Variants in PTPRD observed in about 807,000 individuals in gnomAD.
PTPRD encodes the protein protein tyrosine phosphatase receptor type D.
PTPRD carries 34 observed loss-of-function variants against 214.5 expected under a neutral mutation model. The observed-to-expected ratio is 0.16, with a 90% confidence interval of 0.12 to 0.21. The LOEUF (loss-of-function observed/expected upper bound fraction) is 0.21, where lower values mean the gene tolerates loss of function less well. Ranked by LOEUF, PTPRD falls within the 10% of genes least tolerant of loss-of-function variation. The probability of loss-of-function intolerance (pLI) is 1.00; values close to 1 mark genes in which losing one functional copy is unlikely to be tolerated. For synonymous variants in PTPRD, 1,128 were observed against 845.7 expected (o/e 1.33, Z -5.79); for missense variants, 2,545 against 2,398.7 (o/e 1.06, Z -1.27).
chr9:10,120,497 T>A (rs1290013362), intron 3 of PTPRD, among the ~76,000 whole-genome samples: 1 of 151,992 alleles, frequency 6.6e-6, no homozygotes, highest in Non-Finnish European at 1.5e-5. Context: ...TTCATTGTAA[T>A]TATTACACCA....
chr9:8,845,733 C>T (rs1329945808), intron 11 of PTPRD, among the ~76,000 whole-genome samples: 1 of 152,160 alleles, frequency 6.6e-6, no homozygotes, highest in African/African-American at 2.4e-5. Flanking sequence ...TCACTTTCCC[C>T]CAAAAAAAGT....
intron 2 of PTPRD, among the ~76,000 whole-genome samples, chr9:10,489,228 C>A (rs551226386): frequency 6.6e-6 from 1 of 152,078 alleles, no homozygotes; most frequent in Non-Finnish European, 1.5e-5. Context: ...ATCCTTCTGC[C>A]CCTGGGTGTG....
At chr9:9,968,404 T>C (rs934632812) in intron 4 of PTPRD, among the ~76,000 whole-genome samples, 1 of 152,220 alleles carries the variant, frequency 6.6e-6, no homozygotes, top group South Asian at 2.1e-4. Flanking sequence ...AACAGCAAGA[T>C]ATTAAAACAT....
intron 8 of PTPRD, among the ~76,000 whole-genome samples, chr9:9,488,113 G>T (rs1377347579): frequency 6.6e-6 from 1 of 152,122 alleles, no homozygotes; most frequent in African/African-American, 2.4e-5. Flanking sequence ...GAGACAGAAA[G>T]ATAATGTAGT....
intron 6 of PTPRD, among the ~76,000 whole-genome samples, chr9:9,754,515 A>G (rs1240928092): frequency 6.6e-6 from 1 of 152,068 alleles, no homozygotes; most frequent in Non-Finnish European, 1.5e-5. Flanking sequence ...ACGGCTTCAC[A>G]AGAATATTTG....
chr9:10,210,865 C>A (rs1380233517), intron 3 of PTPRD, among the ~76,000 whole-genome samples: 2 of 132,958 alleles, frequency 1.5e-5, no homozygotes, highest in Non-Finnish European at 3.1e-5. Context: ...TCTTACTCTG[C>A]TTGAACAGCT....
intron 5 of PTPRD, among the ~76,000 whole-genome samples, chr9:9,840,442 G>C (rs2058018147): frequency 6.6e-6 from 1 of 151,644 alleles, no homozygotes. Flanking sequence ...TTTTTCAGAG[G>C]GTATAAAACA....
At chr9:9,454,078 A>C (rs1422277348) in intron 8 of PTPRD, among the ~76,000 whole-genome samples, 1 of 151,748 alleles carries the variant, frequency 6.6e-6, no homozygotes, top group Non-Finnish European at 1.5e-5. Context: ...ACAGATTCTT[A>C]CAGAAAAAAA....
At chr9:10,558,935 T>C (rs1365260921) in intron 2 of PTPRD, among the ~76,000 whole-genome samples, 1 of 152,214 alleles carries the variant, frequency 6.6e-6, no homozygotes, top group Admixed American at 6.6e-5. Context: ...TTAAAAGGTA[T>C]GCATGTGAAA....
chr9:9,728,911 T>A (rs545858305), intron 7 of PTPRD, among the ~76,000 whole-genome samples: 5 of 152,130 alleles, frequency 3.3e-5, no homozygotes, highest in Non-Finnish European at 7.4e-5. Flanking sequence ...TTATTAAAAT[T>A]TGTAGTACTA....
In PTPRD at chr9:9,168,752, A is replaced by T. The variant is rs542010193; in HGVS notation, c.-143+14552T>A. On this transcript the variant is annotated intron_variant, in intron 10 of 45. Transcript: ENST00000381196. ...AACAGACAAAAATAATAATAATTCT[A>T]TTTTCAACTTCATGCTTTATTTTCT... is the stretch of plus-strand genomic sequence containing the variant. Among the ~76,000 whole-genome samples the T allele has an allele frequency of 4.6e-5, 7 of 152,110 alleles. No homozygotes were observed. In the South Asian group the frequency reaches 1.5e-3, roughly 32 times the overall value.
intron 2 of PTPRD, among the ~76,000 whole-genome samples, chr9:10,575,083 C>T (rs1441546994): frequency 6.6e-6 from 1 of 151,784 alleles, no homozygotes; most frequent in Non-Finnish European, 1.5e-5. Flanking sequence ...GGCAGTATGA[C>T]CAACATCCTT....
chr9:9,518,727 AG>A (rs1262021186), intron 8 of PTPRD, among the ~76,000 whole-genome samples: 1 of 152,050 alleles, frequency 6.6e-6, no homozygotes, highest in Non-Finnish European at 1.5e-5. Context: ...AATGCATGCC[AG>A]TTTAACAGAA....
chr9:8,656,477 T>C (rs994567935), intron 12 of PTPRD, among the ~76,000 whole-genome samples: 2 of 152,174 alleles, frequency 1.3e-5, no homozygotes, highest in African/African-American at 4.8e-5. Flanking sequence ...CAGAAGTAGA[T>C]TTACCTTGAC....
chr9:9,788,577 A>G (rs1206587542), intron 5 of PTPRD, among the ~76,000 whole-genome samples: 1 of 151,804 alleles, frequency 6.6e-6, no homozygotes, highest in East Asian at 1.9e-4. Flanking sequence ...AAAGAAAAAA[A>G]AAAGAAAACT....
intron 4 of PTPRD, among the ~76,000 whole-genome samples, chr9:9,965,727 T>A (rs548591477): frequency 6.6e-6 from 1 of 152,342 alleles, no homozygotes; most frequent in African/African-American, 2.4e-5. Context: ...GTAAGTGTTG[T>A]AAGCCCCTCC....
At chr9:9,942,410 G>A (rs1044238250) in intron 4 of PTPRD, among the ~76,000 whole-genome samples, 3 of 151,846 alleles carry the variant, frequency 2.0e-5, no homozygotes, top group Non-Finnish European at 4.4e-5. Context: ...TCCCCAAAAC[G>A]ATTTAAAAAA....
intron 3 of PTPRD, among the ~76,000 whole-genome samples, chr9:10,102,414 AC>A (rs2098560216): frequency 8.0e-6 from 1 of 125,670 alleles, no homozygotes; most frequent in Non-Finnish European, 1.7e-5. Flanking sequence ...ATATAAAAAA[AC>A]CCACTAAACT....
intron 11 of PTPRD, among the ~76,000 whole-genome samples, chr9:8,951,714 C>G (rs1283711862): frequency 6.6e-6 from 1 of 151,990 alleles, no homozygotes; most frequent in Admixed American, 6.6e-5. Context: ...CTTTCAGATA[C>G]AGTACATCCA....
Sources: allele counts gnomAD v4.1 joint callset (sites outside exome capture counted in the v4.1 genomes callset), GRCh38; gene constraint gnomAD v4.1.1; transcripts MANE v1.5; gene names NCBI Gene and HGNC (gene_info 2026-07-23, HGNC 2026-07-21).